The following RPS6KA6 variants were observed in gnomAD, a reference collection of about 807,000 sequenced individuals.
The protein encoded by RPS6KA6 is ribosomal protein S6 kinase alpha-6.
In RPS6KA6, 27 loss-of-function variants were observed where a neutral mutation model predicts 65.4. That is an observed-to-expected ratio of 0.41 (90% CI 0.30 to 0.57). The LOEUF (loss-of-function observed/expected upper bound fraction) is 0.57. Ranked by LOEUF, RPS6KA6 falls within the 20% of genes least tolerant of loss-of-function variation. The pLI, the probability that RPS6KA6 is intolerant of heterozygous loss-of-function variation, is 0.24. For synonymous variants in RPS6KA6, 190 were observed against 184.2 expected (o/e 1.03, Z -0.26); for missense variants, 486 against 555.6 (o/e 0.87, Z 1.26).
At position 84,068,692 on chromosome X, in the gene RPS6KA6, CTATT is replaced by C. The variant is rs891350009; in HGVS notation, c.1972-3585_1972-3582del. ...AAACCCTATCGTCTCAGCCTAAAAA[CTATT>C]TATGCTGATAAGCAACTTCAGCAAA... On this transcript the variant is annotated intron_variant, in intron 20 of 21. Transcript: ENST00000262752. Among the ~76,000 whole-genome samples the C allele has an allele frequency of 5.3e-5, 6 of 112,225 alleles. No homozygotes were observed. The Admixed American group carries it at 5.7e-4, about 11-fold the overall frequency.
chrX:84,123,226 G>T (rs1006746897), intron 8 of RPS6KA6, among the ~76,000 whole-genome samples: 15 of 112,354 alleles, frequency 1.3e-4, no homozygotes, highest in African/African-American at 4.5e-4. Context: ...TGGGCCTTGG[G>T]CTCTGAGAAA....
At chrX:84,148,153 G>T in intron 3 of RPS6KA6, 30 bp from the exon 4 acceptor site, 9 of 942,454 alleles carry the variant, frequency 9.5e-6, no homozygotes, top group Non-Finnish European at 1.3e-5. Context: ...AAAAAAAAAG[G>T]AAAATTCACA....
chrX:84,106,442 C>G lies in RPS6KA6; in HGVS notation c.1288G>C (p.Glu430Gln). The G allele has an allele frequency of 8.5e-7, 1 of 1,174,563 alleles. No homozygotes were observed. Among genetic ancestry groups the G allele is most frequent in the Non-Finnish European group, 1.2e-6 (1 of 866,127 alleles). ...GAGTAGGAGCCAACACCAATATCCT[C>G]CTTCAATTCATATACTTCACCAAAT... ...AQFGEVYELK[E>Q]DIGVGSYSVC... The change falls in exon 15 of 22, where the codon GAG becomes CAG. Residue 430 changes from glutamate to glutamine, a missense_variant. Coordinates refer to ENST00000262752, the MANE Select transcript of RPS6KA6 (RefSeq NM_014496.5).
intron 20 of RPS6KA6, among the ~76,000 whole-genome samples, chrX:84,073,231 C>T (rs1361376698): frequency 1.8e-5 from 2 of 111,550 alleles, no homozygotes; most frequent in Non-Finnish European, 3.8e-5. Context: ...GATGCTCTTA[C>T]AACCAACTGA....
intron 3 of RPS6KA6, among the ~76,000 whole-genome samples, chrX:84,149,325 GA>G (rs2035257320): frequency 8.9e-6 from 1 of 111,745 alleles, no homozygotes; most frequent in African/African-American, 3.3e-5. Flanking sequence ...TTGATATTTT[GA>G]CTTCCTCCCA....
At chrX:84,113,611 C>G (rs1038803315) in intron 12 of RPS6KA6, among the ~76,000 whole-genome samples, 2 of 111,720 alleles carry the variant, frequency 1.8e-5, no homozygotes, top group African/African-American at 3.3e-5. Context: ...GACAATTCAA[C>G]ATCACTTGAT....
At chrX:84,089,433 C>T (rs773124293) in intron 20 of RPS6KA6, among the ~76,000 whole-genome samples, 2 of 111,655 alleles carry the variant, frequency 1.8e-5, no homozygotes, top group Non-Finnish European at 3.8e-5. Flanking sequence ...GGATTCAGGT[C>T]CCTTCCTAGG....
intron 6 of RPS6KA6, among the ~76,000 whole-genome samples, chrX:84,138,665 T>C (rs1394824205): frequency 8.9e-6 from 1 of 112,694 alleles, no homozygotes; most frequent in Non-Finnish European, 1.9e-5. Flanking sequence ...TGGCTTTATT[T>C]GGAATTTTGT....
chrX:84,088,733 C>T (rs914177543), intron 20 of RPS6KA6, among the ~76,000 whole-genome samples: 1 of 112,152 alleles, frequency 8.9e-6, no homozygotes, highest in Non-Finnish European at 1.9e-5. Context: ...AAGACTGAGT[C>T]GAACAACCTG....
chrX:84,150,884 T>G (rs1255795819), intron 3 of RPS6KA6, among the ~76,000 whole-genome samples: 2 of 97,498 alleles, frequency 2.1e-5, no homozygotes, highest in Non-Finnish European at 4.0e-5. Flanking sequence ...GATATATATA[T>G]ATAGAGGATA....
At chrX:84,114,101 A>C (rs989748224) in intron 12 of RPS6KA6, among the ~76,000 whole-genome samples, 1 of 111,814 alleles carries the variant, frequency 8.9e-6, no homozygotes, top group African/African-American at 3.3e-5. Context: ...TTCTACAAGG[A>C]GAACTATAAA....
intron 1 of RPS6KA6, among the ~76,000 whole-genome samples, chrX:84,170,177 A>G (rs1443724867): frequency 2.7e-5 from 3 of 109,211 alleles, no homozygotes; most frequent in Non-Finnish European, 5.7e-5. Context: ...AAAAAAAAAA[A>G]AAAAAAAAAG....
Position 84,060,442 on chromosome X carries a change from G to A in RPS6KA6, c.*3835C>T, listed in dbSNP as rs1192877697. 2.2e-5 allele frequency: 2 copies of A among 92,078 alleles called. No homozygotes were observed. The highest frequency in any genetic ancestry group is 4.2e-5 in the Non-Finnish European group (2 of 47,752). The allele number at this position is 92,078 out of a possible 1,213,427, so 7.6% of individuals were successfully genotyped here. A position where few individuals can be genotyped will look rare whatever the true frequency, so the allele number is the denominator to read the frequency against. ...TGAGTAGTTTGGATTCAATCTCTCTGTGCTTTTTTTTTTCTTTATAACAGG... is the reference window on the plus strand; with the variant it reads ...TGAGTAGTTTGGATTCAATCTCTCTATGCTTTTTTTTTTCTTTATAACAGG... On this transcript the variant is annotated 3_prime_UTR_variant, in exon 22 of 22. Coordinates refer to ENST00000262752, the MANE Select transcript of RPS6KA6 (RefSeq NM_014496.5).
At chrX:84,160,247 A>T (rs1388366537) in intron 2 of RPS6KA6, among the ~76,000 whole-genome samples, 2 of 111,394 alleles carry the variant, frequency 1.8e-5, no homozygotes, top group Non-Finnish European at 3.8e-5. Context: ...ATACAGAAAA[A>T]GTATGAAGGC....
chrX:84,187,194 G>C (rs1249859895), intron 1 of RPS6KA6, among the ~76,000 whole-genome samples: 1 of 111,877 alleles, frequency 8.9e-6, no homozygotes, highest in Non-Finnish European at 1.9e-5. Context: ...AAGGGGACCT[G>C]AGAGGAAGCA....
At chrX:84,087,364 C>G (rs1465199097) in intron 20 of RPS6KA6, among the ~76,000 whole-genome samples, 1 of 111,344 alleles carries the variant, frequency 9.0e-6, no homozygotes, top group Non-Finnish European at 1.9e-5. Flanking sequence ...GAAGAATTCC[C>G]TAAGCATTTA....
chrX:84,146,129 T>G (rs1032990850), intron 5 of RPS6KA6, among the ~76,000 whole-genome samples: 1 of 111,637 alleles, frequency 9.0e-6, no homozygotes, highest in Non-Finnish European at 1.9e-5. Context: ...GCCCACTGAA[T>G]TTAATACAGT....
intron 20 of RPS6KA6, among the ~76,000 whole-genome samples, chrX:84,079,627 G>C (rs2033744016): frequency 9.0e-6 from 1 of 111,183 alleles, no homozygotes; most frequent in Admixed American, 9.6e-5. Context: ...TTGGACACTT[G>C]AGCTTGGTGG....
At chrX:84,164,974 A>T (rs1241861679) in intron 1 of RPS6KA6, among the ~76,000 whole-genome samples, 2 of 111,710 alleles carry the variant, frequency 1.8e-5, no homozygotes, top group African/African-American at 6.5e-5. Flanking sequence ...TAGAAGACTT[A>T]GATCAAGGTT....
Sources: gnomAD v4.1 joint callset for allele counts (sites outside exome capture counted in the v4.1 genomes callset) on GRCh38, gnomAD v4.1.1 for gene constraint, MANE v1.5 for transcripts, NCBI Gene and HGNC (gene_info 2026-07-23, HGNC 2026-07-21) for gene names.